Variants in STAG1 observed in about 807,000 individuals in gnomAD.
STAG1 encodes the protein STAG1 cohesin complex component.
STAG1 carries 26 observed loss-of-function variants against 170.9 expected under a neutral mutation model. The observed-to-expected ratio is 0.15, with a 90% confidence interval of 0.11 to 0.21. STAG1 has a LOEUF of 0.21. Ranked by LOEUF, STAG1 falls within the 10% of genes least tolerant of loss-of-function variation. STAG1 has a pLI of 1.00. For missense variants in STAG1, 964 were observed against 1,509.5 expected (o/e 0.64, Z 5.99); for synonymous variants, 514 against 497.7 (o/e 1.03, Z -0.44).
chr3:136,438,486 A>G (rs1029606650), intron 15 of STAG1, among the ~76,000 whole-genome samples: 4 of 151,968 alleles, frequency 2.6e-5, no homozygotes, highest in Non-Finnish European at 5.9e-5. Context: ...TGGCTCCCCA[A>G]AGTGCTAGGA....
At chr3:136,728,207 TTACAC>T (rs1933798427) in intron 1 of STAG1, among the ~76,000 whole-genome samples, 1 of 152,088 alleles carries the variant, frequency 6.6e-6, no homozygotes, top group East Asian at 1.9e-4. Flanking sequence ...ACAAGTTTAC[TTACAC>T]TAAATAGTAA....
At chr3:136,359,680 C>T (rs1936785611) in intron 26 of STAG1, among the ~76,000 whole-genome samples, 1 of 152,166 alleles carries the variant, frequency 6.6e-6, no homozygotes, top group Non-Finnish European at 1.5e-5. Flanking sequence ...TAGGCGTGTA[C>T]CACCATGCCC....
At chr3:136,356,600 T>A (rs2108277626) in intron 28 of STAG1, among the ~76,000 whole-genome samples, 1 of 152,274 alleles carries the variant, frequency 6.6e-6, no homozygotes, top group Non-Finnish European at 1.5e-5. Flanking sequence ...AGGACTGGTC[T>A]TGAACTCCTG....
chr3:136,398,848 A>C lies in STAG1; in HGVS notation c.2197-19T>G. The stretch of plus-strand genomic sequence containing the variant: ...CGACTATCTGTATCAAATGAAAAAA[A>C]ATTTTTTTAATGAAAAATTCAAAAA... On this transcript the variant is annotated intron_variant, in intron 21 of 33. Transcript: ENST00000383202. 1 of 1,511,084 alleles carries C rather than the reference A, an allele frequency of 6.6e-7. No individual in the cohort carries two copies. The highest frequency in any genetic ancestry group is 8.9e-7 in the Non-Finnish European group (1 of 1,123,968). 93.6% of individuals were successfully genotyped at this position (1,511,084 alleles called of 1,614,324 possible). A position where few individuals can be genotyped will look rare whatever the true frequency, so the allele number is the denominator to read the frequency against.
At chr3:136,377,403 A>AAAAAAAAAAAAAAG (rs1368983897) in intron 23 of STAG1, among the ~76,000 whole-genome samples, 1 of 148,246 alleles carries the variant, frequency 6.7e-6, no homozygotes, top group African/African-American at 2.5e-5. Flanking sequence ...AAAAAAAAAA[A>AAAAAAAAAAAAAAG]AAGTCTACAT....
chr3:136,382,630 C>G (rs531960731), intron 22 of STAG1, among the ~76,000 whole-genome samples: 1 of 151,798 alleles, frequency 6.6e-6, no homozygotes, highest in African/African-American at 2.4e-5. Context: ...AGGCTGGTCT[C>G]GAACTCCTGA....
intron 1 of STAG1, among the ~76,000 whole-genome samples, chr3:136,751,168 T>C (rs1935207084): frequency 1.3e-5 from 2 of 149,222 alleles, no homozygotes; most frequent in Admixed American, 6.7e-5. Flanking sequence ...TTATGACAAA[T>C]TGCGTTTTTT....
intron 3 of STAG1, among the ~76,000 whole-genome samples, chr3:136,617,845 A>G (rs1436105158): frequency 6.6e-6 from 1 of 152,200 alleles, no homozygotes; most frequent in African/African-American, 2.4e-5. Context: ...AAAAGAAAAA[A>G]AAACTTTGGA....
intron 1 of STAG1, among the ~76,000 whole-genome samples, chr3:136,671,659 G>C (rs1456833537): frequency 6.6e-6 from 1 of 152,184 alleles, no homozygotes; most frequent in South Asian, 2.1e-4. Flanking sequence ...CACTGTGGGA[G>C]GTAGGTGGAT....
intron 4 of STAG1, among the ~76,000 whole-genome samples, chr3:136,595,357 A>G (rs1022572633): frequency 2.6e-5 from 4 of 151,994 alleles, no homozygotes; most frequent in African/African-American, 9.7e-5. Flanking sequence ...CCTCTTTCTC[A>G]TCTTTCCTAA....
At chr3:136,583,819 C>CA (rs570154288) in intron 4 of STAG1, among the ~76,000 whole-genome samples, 73 of 151,996 alleles carry the variant, frequency 4.8e-4, no homozygotes, top group East Asian at 3.9e-4. Context: ...AAAACAAAAA[C>CA]AAAAAAACAA....
At chr3:136,369,319 A>G (rs1301003524) in intron 23 of STAG1, 37 bp from the exon 24 acceptor site, 2 of 1,496,906 alleles carry the variant, frequency 1.3e-6, no homozygotes, top group African/African-American at 2.9e-5. Flanking sequence ...AAAATATTAC[A>G]CAAATATAAC....
chr3:136,700,295 G>A (rs1339783367), intron 1 of STAG1, among the ~76,000 whole-genome samples: 1 of 150,220 alleles, frequency 6.7e-6, no homozygotes, highest in African/African-American at 2.5e-5. Context: ...AAGACTTGAA[G>A]ATAAAGGATC....
intron 1 of STAG1, among the ~76,000 whole-genome samples, chr3:136,743,134 A>G (rs910927390): frequency 3.3e-5 from 5 of 152,202 alleles, no homozygotes; most frequent in African/African-American, 9.7e-5. Context: ...TGGGAGGCCG[A>G]GAAGGGTGAA....
chr3:136,699,785 T>A (rs1942997661), intron 1 of STAG1, among the ~76,000 whole-genome samples: 1 of 152,120 alleles, frequency 6.6e-6, no homozygotes, highest in African/African-American at 2.4e-5. Flanking sequence ...ACTAATGTAA[T>A]ATATAATCCA....
intron 1 of STAG1, among the ~76,000 whole-genome samples, chr3:136,682,917 A>G (rs1942387733): frequency 6.6e-6 from 1 of 152,260 alleles, no homozygotes; most frequent in Non-Finnish European, 1.5e-5. Context: ...TATACATAAC[A>G]TGGAATATTA....
intron 1 of STAG1, among the ~76,000 whole-genome samples, chr3:136,645,635 T>G (rs576930782): frequency 6.6e-6 from 1 of 152,260 alleles, no homozygotes; most frequent in Non-Finnish European, 1.5e-5. Context: ...TTAAGCTTTA[T>G]GGGTAAACCC....
chr3:136,467,620 G>A (rs1027885808), intron 12 of STAG1, among the ~76,000 whole-genome samples: 1 of 152,106 alleles, frequency 6.6e-6, no homozygotes, highest in African/African-American at 2.4e-5. Context: ...AGTTAAAAAG[G>A]ATATCCAGGA....
In STAG1 at chr3:136,443,380, C is replaced by G; in HGVS notation, c.1453G>C (p.Val485Leu). The G allele has an allele frequency of 6.2e-7, 1 of 1,611,440 alleles. No homozygotes were observed. The highest frequency in any genetic ancestry group is 8.5e-7 in the Non-Finnish European group (1 of 1,178,910). Reference sequence around the variant, plus strand: ...TGAGAGCTCTCCCATAAACTGTCCACCAAGTAGGCTGCATGTTCATGTAAC... The same window carrying G: ...TGAGAGCTCTCCCATAAACTGTCCAGCAAGTAGGCTGCATGTTCATGTAAC... ...SELHEHAAYL[V>L]DSLWESSQEL... The change falls in exon 15 of 34, where the codon GTG (valine) becomes CTG (leucine). Residue 485 changes from valine to leucine, a missense_variant. Physicochemically the swap from Val to Leu is conservative, Grantham distance 32. Coordinates refer to ENST00000383202, the MANE Select transcript of STAG1 (RefSeq NM_005862.3).
Sources: gnomAD v4.1 joint callset for allele counts (sites outside exome capture counted in the v4.1 genomes callset) on GRCh38, gnomAD v4.1.1 for gene constraint, MANE v1.5 for transcripts, NCBI Gene and HGNC (gene_info 2026-07-23, HGNC 2026-07-21) for gene names.